The following CORO2A variants were observed in gnomAD, a reference collection of about 807,000 sequenced individuals.
The protein encoded by CORO2A is coronin 2A.
A neutral mutation model predicts 62.4 loss-of-function variants in CORO2A; 47 were observed. The ratio of observed to expected loss-of-function variants is 0.75; its 90% CI spans 0.60 to 0.96. The LOEUF is 0.96. Ranked by LOEUF, CORO2A falls within the 40% of genes least tolerant of loss-of-function variation. The pLI, the probability that CORO2A is intolerant of heterozygous loss-of-function variation, is 0.00. For missense variants in CORO2A, 610 were observed against 684.1 expected (o/e 0.89, Z 1.21); for synonymous variants, 273 against 268.9 (o/e 1.02, Z -0.15).
chr9:98,172,507 C>T (rs1241356342), intron 1 of CORO2A: 1 of 146,788 alleles, frequency 6.8e-6, no homozygotes, highest in Admixed American at 6.8e-5. Context: ...AGCTCAGCCC[C>T]ACACCCCACT....
intron 5 of CORO2A, among the ~76,000 whole-genome samples, chr9:98,132,813 G>A (rs1827427421): frequency 2.6e-5 from 4 of 152,180 alleles, no homozygotes; most frequent in African/African-American, 7.2e-5. Context: ...GCTCTCCATG[G>A]GGGTGAGTCA....
chr9:98,173,888 G>A (rs919678286), intron 1 of CORO2A, among the ~76,000 whole-genome samples: 7 of 152,052 alleles, frequency 4.6e-5, no homozygotes, highest in African/African-American at 7.2e-5. Context: ...AGGCTGAGGC[G>A]GGCAGATCAC....
intron 2 of CORO2A, among the ~76,000 whole-genome samples, chr9:98,138,692 C>A (rs1827523268): frequency 6.6e-6 from 1 of 152,168 alleles, no homozygotes; most frequent in African/African-American, 2.4e-5. Context: ...GGTTTCATTG[C>A]CTGAGCACAT....
chr9:98,148,749 C>G (rs1259907276), intron 2 of CORO2A, among the ~76,000 whole-genome samples: 9 of 114,148 alleles, frequency 7.9e-5, no homozygotes, highest in Admixed American at 2.4e-4. Flanking sequence ...CAGAGCTTGT[C>G]TCAAACAAAA....
At chr9:98,166,395 A>G (rs1472836544) in intron 1 of CORO2A, among the ~76,000 whole-genome samples, 1 of 152,274 alleles carries the variant, frequency 6.6e-6, no homozygotes, top group Non-Finnish European at 1.5e-5. Context: ...ACTTGTGTGT[A>G]TTTAAGGATA....
rs1300782494 is a variant in CORO2A at position 98,192,567 on chromosome 9, C to G, written c.-9G>C. 6.6e-6 allele frequency: 1 copy of G among 151,476 alleles called. No individual in the cohort carries two copies. The highest frequency in any genetic ancestry group is 1.5e-5 in the Non-Finnish European group (1 of 67,858). 9.4% of individuals were successfully genotyped at this position (151,476 alleles called of 1,614,324 possible). ...GCGCAGGGCCGCCCTACCTTGATGA[C>G]TGCCGCGCAGGTGGCGGTGGCGGCG... is the stretch of plus-strand genomic sequence containing the variant. On this transcript the variant is annotated 5_prime_UTR_variant, in exon 1 of 12. Transcript: ENST00000375077.
At chr9:98,131,488 G>A (rs190381403) in intron 6 of CORO2A, among the ~76,000 whole-genome samples, 2 of 151,918 alleles carry the variant, frequency 1.3e-5, no homozygotes, top group African/African-American at 2.4e-5. Context: ...ACTGCACCCC[G>A]CTGATTTTTT....
intron 8 of CORO2A, among the ~76,000 whole-genome samples, chr9:98,129,260 G>T (rs1248125613): frequency 6.6e-6 from 1 of 152,148 alleles, no homozygotes; most frequent in African/African-American, 2.4e-5. Flanking sequence ...CACAGCTCCT[G>T]TGACCCAAAT....
chr9:98,142,244 C>T (rs919351566), intron 2 of CORO2A, among the ~76,000 whole-genome samples: 1 of 152,226 alleles, frequency 6.6e-6, no homozygotes, highest in African/African-American at 2.4e-5. Flanking sequence ...CACCCTCTCT[C>T]GGACCTCAGA....
chr9:98,135,082 A>C, intron 3 of CORO2A, 127 bp from the exon 4 acceptor site: 1 of 1,222,666 alleles, frequency 8.2e-7, no homozygotes, highest in Non-Finnish European at 1.1e-6. Flanking sequence ...GCCACCTCCC[A>C]CTCAGTGGCT....
In CORO2A at chr9:98,132,259, G is replaced by A. The variant is rs140442254; in HGVS notation, c.691C>T (p.Leu231=). The change falls in exon 6 of 12, where the codon CTG becomes TTG. Residue 231 remains leucine, a synonymous_variant. Transcript: ENST00000375077. ...GACATCAGCTTCTTCAGGTTCCCCA[G>A]AAACAGCACTTTGCTGGCCCGGTGC... ...KGHRASKVLF[L]GNLKKLMSTG... 2,208 of 1,614,150 alleles carry A rather than the reference G, an allele frequency of 1.4e-3. 17 individuals carry two copies. In the African/African-American group the frequency reaches 0.023, roughly 17 times the overall value.
intron 1 of CORO2A, among the ~76,000 whole-genome samples, chr9:98,188,502 C>T (rs932074488): frequency 1.6e-4 from 25 of 152,174 alleles, no homozygotes; most frequent in African/African-American, 6.0e-4. Context: ...TGTTGGCTCA[C>T]ATCTGTAATC....
chr9:98,141,391 G>GCTCAGGCT (rs1447648159), intron 2 of CORO2A, among the ~76,000 whole-genome samples: 1 of 138,048 alleles, frequency 7.2e-6, no homozygotes, highest in Non-Finnish European at 1.5e-5. Flanking sequence ...TCGTCTTGTT[G>GCTCAGGCT]CTCAGGCTGG....
rs1367193859 is a variant in CORO2A, at chr9:98,129,958, C to T, written c.871-68G>A. On this transcript the variant is annotated intron_variant, in intron 7 of 11. Coordinates refer to ENST00000375077, the MANE Select transcript of CORO2A (RefSeq NM_052820.4). ...GGAGCTCATCAGCTCATCAGCAACC[C>T]AGCCATGCAGCAAAGACCTGGCTTT... 1.4e-5 allele frequency: 17 copies of T among 1,233,476 alleles called. No individual in the cohort carries two copies. In the East Asian group the frequency reaches 3.7e-4, roughly 27 times the overall value. The allele number at this position is 1,233,476 out of a possible 1,614,324, so 76.4% of individuals were successfully genotyped here. A position where few individuals can be genotyped will look rare whatever the true frequency, so the allele number is the denominator to read the frequency against.
chr9:98,129,404 G>T (rs1827372886), intron 8 of CORO2A, among the ~76,000 whole-genome samples: 1 of 152,222 alleles, frequency 6.6e-6, no homozygotes, highest in African/African-American at 2.4e-5. Flanking sequence ...AAATATAGCT[G>T]TGTTTTTAAT....
At chr9:98,159,662 G>C (rs1208982591) in intron 1 of CORO2A, among the ~76,000 whole-genome samples, 2 of 151,694 alleles carry the variant, frequency 1.3e-5, no homozygotes, top group East Asian at 2.0e-4. Flanking sequence ...AGTCCTCCTT[G>C]ATATCCCAAG....
rs142674193 is a variant in CORO2A, at chr9:98,157,644, T to C, written c.17A>G (p.Gln6Arg). The change falls in exon 2 of 12, where the codon CAG becomes CGG. Residue 6 changes from glutamine (Q) to arginine (R), a missense_variant. Physicochemically the swap from Gln to Arg is conservative, Grantham distance 43. Transcript: ENST00000375077. MSWHPQYRSSKFRHVF... is the reference protein window; with the variant it reads MSWHPRYRSSKFRHVF... Reference sequence around the variant, plus strand: ...ATGACGGAACTTGGAGCTCCGGTACTGGGGGTGCCATGACATCTGCAGGAG... The same window carrying C: ...ATGACGGAACTTGGAGCTCCGGTACCGGGGGTGCCATGACATCTGCAGGAG... 27 of 1,613,354 alleles carry C rather than the reference T, an allele frequency of 1.7e-5. No homozygotes were observed. Among genetic ancestry groups the C allele is most frequent in the Non-Finnish European group, 2.3e-5 (27 of 1,179,596 alleles).
rs60290184 is a variant in CORO2A, at chr9:98,187,282, CAAAAAAAAAAAA to C, written c.-1+5265_-1+5276del. Among the ~76,000 whole-genome samples, 232 of 66,544 alleles carry C rather than the reference CAAAAAAAAAAAA, an allele frequency of 3.5e-3. 2 individuals are homozygous for C. The highest frequency in any genetic ancestry group is 6.8e-3 in the South Asian group (11 of 1,626). The allele number at this position is 66,544 out of a possible 152,430, so 43.7% of individuals were successfully genotyped here. On this transcript the variant is annotated intron_variant, in intron 1 of 11. Coordinates refer to ENST00000375077, the MANE Select transcript of CORO2A (RefSeq NM_052820.4). ...TGGGCGACAGAGCAAGACTCCATCTCAAAAAAAAAAAAAAAAAAAAAAAAAAATTAGCCAGGC... is the reference window on the plus strand; with the variant it reads ...TGGGCGACAGAGCAAGACTCCATCTCAAAAAAAAAAAAAAATTAGCCAGGC...
At position 98,134,850 on chromosome 9, in the gene CORO2A, G is replaced by C; in HGVS notation, c.424C>G (p.Pro142Ala). The part of the protein sequence containing the change: ...ARRVGLVEWH[P>A]TAANILFSAG... ...CTGAAGAGGATGTTGGCGGCCGTGG[G>C]GTGCCACTCCACCAGGCCTACTCTG... is the stretch of plus-strand genomic sequence containing the variant. Residue 142 changes from proline (P) to alanine (A), a missense_variant, in exon 4 of 12, where the codon CCC becomes GCC. Coordinates refer to ENST00000375077, the MANE Select transcript of CORO2A (RefSeq NM_052820.4). The C allele has an allele frequency of 6.2e-7, 1 of 1,614,038 alleles. No individual in the cohort carries two copies. The highest frequency in any genetic ancestry group is 1.1e-5 in the South Asian group (1 of 91,038).
Sources: allele counts gnomAD v4.1 joint callset (sites outside exome capture counted in the v4.1 genomes callset), GRCh38; gene constraint gnomAD v4.1.1; transcripts MANE v1.5; gene names NCBI Gene and HGNC (gene_info 2026-07-23, HGNC 2026-07-21).